Variants in PKHD1 observed in about 807,000 individuals in gnomAD.
PKHD1 encodes the protein PKHD1 ciliary IPT domain containing fibrocystin/polyductin.
PKHD1 carries 291 observed loss-of-function variants against 412.0 expected under a neutral mutation model. That is an observed-to-expected ratio of 0.71 (90% CI 0.64 to 0.78). The LOEUF (loss-of-function observed/expected upper bound fraction) is 0.78, where lower values mean the gene tolerates loss of function less well. Among genes scored for constraint, PKHD1 ranks in the 30% least tolerant of loss-of-function variants. The probability of loss-of-function intolerance (pLI) is 0.00; values close to 1 mark genes in which losing one functional copy is unlikely to be tolerated. For missense variants in PKHD1, 4,825 were observed against 4,950.7 expected, an observed-to-expected ratio of 0.97 and a Z score of 0.76; for synonymous variants, 1,777 against 1,821.5, an observed-to-expected ratio of 0.98 and a Z score of 0.62.
intron 23 of PKHD1, among the ~76,000 whole-genome samples, chr6:52,048,110 A>G (rs1257681328): frequency 6.6e-6 from 1 of 152,214 alleles, no homozygotes; most frequent in Non-Finnish European, 1.5e-5. Context: ...AAGAGGCAGG[A>G]GCAAATACTT....
At chr6:51,924,668 T>C (rs1785241662) in intron 37 of PKHD1, among the ~76,000 whole-genome samples, 1 of 152,178 alleles carries the variant, frequency 6.6e-6, no homozygotes, top group African/African-American at 2.4e-5. Flanking sequence ...GAGAAGGATA[T>C]GGGCTCACAA....
intron 36 of PKHD1, among the ~76,000 whole-genome samples, chr6:51,942,117 A>G (rs1399950442): frequency 6.6e-6 from 1 of 151,546 alleles, no homozygotes. Context: ...ACAAAAGGAA[A>G]CCTAGCTGAC....
In PKHD1 at chr6:51,974,020, T is replaced by C. The variant is rs115222645; in HGVS notation, c.5752-13994A>G. ...CAAAGTGATTTTTGGTCTTTTAAAATTTTCTTGATAGAGCAATCACTATTC... is the reference window on the plus strand; with the variant it reads ...CAAAGTGATTTTTGGTCTTTTAAAACTTTCTTGATAGAGCAATCACTATTC... On this transcript the variant is annotated intron_variant, in intron 35 of 66. Transcript: ENST00000371117. 3.6e-3 allele frequency among the ~76,000 whole-genome samples: 549 copies of C among 152,278 alleles called. 1 individual carries two copies. The highest frequency in any genetic ancestry group is 0.013 in the African/African-American group (528 of 41,566).
intron 43 of PKHD1, among the ~76,000 whole-genome samples, chr6:51,902,205 C>T (rs1318889369): frequency 6.6e-6 from 1 of 152,144 alleles, no homozygotes. Context: ...GTTTCTTAAG[C>T]CCAAAAGCTT....
chr6:51,811,562 G>C (rs2151395538), intron 52 of PKHD1, among the ~76,000 whole-genome samples: 1 of 152,196 alleles, frequency 6.6e-6, no homozygotes, highest in South Asian at 2.1e-4. Context: ...TGGCATATAA[G>C]AGTTCTAGAG....
At chr6:51,756,097 T>C (rs1786966203) in intron 55 of PKHD1, among the ~76,000 whole-genome samples, 2 of 152,086 alleles carry the variant, frequency 1.3e-5, no homozygotes, top group South Asian at 2.1e-4. Flanking sequence ...ATAAATGAAA[T>C]ATTATAATTA....
intron 20 of PKHD1, among the ~76,000 whole-genome samples, chr6:52,053,738 C>A (rs1807255475): frequency 6.6e-6 from 1 of 152,096 alleles, no homozygotes; most frequent in African/African-American, 2.4e-5. Flanking sequence ...ATTCTTGGGG[C>A]CCCAAATTTC....
chr6:52,026,155 T>C lies in PKHD1; in HGVS notation c.3655A>G (p.Ile1219Val), dbSNP rs752960825. The change falls in exon 32 of 67, where the codon ATA becomes GTA. Residue 1219 changes from isoleucine to valine, a missense_variant. Ile to Val is a conservative substitution (Grantham distance 29, BLOSUM62 3). Transcript: ENST00000371117. The stretch of plus-strand genomic sequence containing the variant: ...AAAGCTGGGTCCCTGCTGAAGCCTA[T>C]TCCTGAGATGCTGAGGATGGTCCCT... ...LGGTILSISGIGFSRDPALVW... is the reference protein window; with the variant it reads ...LGGTILSISGVGFSRDPALVW... 1.2e-6 allele frequency: 2 copies of C among 1,614,108 alleles called. No individual in the cohort carries two copies. Among genetic ancestry groups the C allele is most frequent in the East Asian group, 2.2e-5 (1 of 44,890 alleles).
chr6:52,011,188 G>A (rs919515938), intron 34 of PKHD1, among the ~76,000 whole-genome samples: 1 of 152,210 alleles, frequency 6.6e-6, no homozygotes, highest in African/African-American at 2.4e-5. Context: ...AAACAGCAGT[G>A]TAGCATTACA....
chr6:51,871,899 G>A lies in PKHD1; in HGVS notation c.7351-1260C>T, dbSNP rs1263832744. 5.0e-5 allele frequency among the ~76,000 whole-genome samples: 4 copies of A among 80,506 alleles called. 1 individual carries two copies. The highest frequency in any genetic ancestry group is 1.4e-4 in the Non-Finnish European group (4 of 28,820). The allele number at this position is 80,506 out of a possible 152,430, so 52.8% of individuals were successfully genotyped here. A position where few individuals can be genotyped will look rare whatever the true frequency, so the allele number is the denominator to read the frequency against. On this transcript the variant is annotated intron_variant, in intron 46 of 66. Coordinates refer to ENST00000371117, the MANE Select transcript of PKHD1 (RefSeq NM_138694.4). ...ACAAATAGCAGAAAAGAAACTCAGTGGACACAAAGCTAGTCTAGAAATCAG... is the reference window on the plus strand; with the variant it reads ...ACAAATAGCAGAAAAGAAACTCAGTAGACACAAAGCTAGTCTAGAAATCAG...
chr6:51,731,770 G>A (rs1344656954), intron 60 of PKHD1, among the ~76,000 whole-genome samples: 2 of 152,146 alleles, frequency 1.3e-5, no homozygotes, highest in African/African-American at 4.8e-5. Context: ...TATGATGAAT[G>A]CAGCTACATG....
At chr6:51,737,421 T>C (rs1452534984) in intron 60 of PKHD1, among the ~76,000 whole-genome samples, 1 of 152,162 alleles carries the variant, frequency 6.6e-6, no homozygotes, top group Non-Finnish European at 1.5e-5. Context: ...TAAAAAGAGG[T>C]TTAATATGTT....
chr6:51,785,638 T>G (rs1792734111), intron 53 of PKHD1, among the ~76,000 whole-genome samples: 1 of 152,296 alleles, frequency 6.6e-6, no homozygotes, highest in Admixed American at 6.5e-5. Flanking sequence ...CTCTTGTAAA[T>G]TGCCTCTTTT....
chr6:51,667,452 G>A (rs1774026400), intron 60 of PKHD1, among the ~76,000 whole-genome samples: 1 of 148,784 alleles, frequency 6.7e-6, no homozygotes, highest in Admixed American at 6.7e-5. Context: ...TTAGCCCTTT[G>A]TCAGATGAGT....
intron 21 of PKHD1, among the ~76,000 whole-genome samples, chr6:52,051,968 A>G (rs962436088): frequency 1.3e-5 from 2 of 152,158 alleles, no homozygotes; most frequent in African/African-American, 2.4e-5. Flanking sequence ...CACTTAAACT[A>G]TGGAAACAGA....
chr6:51,744,294 G>T, intron 60 of PKHD1, 91 bp downstream of exon 60: 1 of 1,115,188 alleles, frequency 9.0e-7, no homozygotes, highest in Non-Finnish European at 1.4e-6. Flanking sequence ...GTCTTCACCA[G>T]TACATTTCAT....
At chr6:51,807,450 A>ATATAT (rs1763953081) in intron 52 of PKHD1, among the ~76,000 whole-genome samples, 2 of 104,020 alleles carry the variant, frequency 1.9e-5, no homozygotes, top group African/African-American at 8.5e-5. Context: ...AAAAAAAAAA[A>ATATAT]AAAAAAAAAT....
At position 51,748,684 on chromosome 6, in the gene PKHD1, C is replaced by T. The variant is rs200025399; in HGVS notation, c.8951-19G>A. On this transcript the variant is annotated intron_variant, in intron 57 of 66. Transcript: ENST00000371117. ...AGGACACCTATAAACAAATGCATGT[C>T]ATCAGGTACTTTCCTCTTCCCCACA... 2.0e-4 allele frequency: 318 copies of T among 1,611,616 alleles called. No individual in the cohort carries two copies. The highest frequency in any genetic ancestry group is 2.5e-4 in the Non-Finnish European group (299 of 1,178,216).
intron 50 of PKHD1, among the ~76,000 whole-genome samples, chr6:51,842,215 C>T (rs1008748780): frequency 3.3e-5 from 5 of 152,116 alleles, no homozygotes; most frequent in African/African-American, 4.8e-5. Flanking sequence ...TCTCAGCTGC[C>T]GCCTCACACA....
Sources: gnomAD v4.1 joint callset for allele counts (sites outside exome capture counted in the v4.1 genomes callset) on GRCh38, gnomAD v4.1.1 for gene constraint, MANE v1.5 for transcripts, NCBI Gene and HGNC (gene_info 2026-07-23, HGNC 2026-07-21) for gene names.